KCNH7: variants seen among roughly 807,000 people sequenced by gnomAD.
KCNH7 encodes voltage-gated inwardly rectifying potassium channel KCNH7.
Under a neutral mutation model 120.8 loss-of-function variants are expected in KCNH7, and 49 were observed. That is an observed-to-expected ratio of 0.41 (90% CI 0.32 to 0.51). KCNH7 has a LOEUF of 0.51. Ranked by LOEUF, KCNH7 falls within the 20% of genes least tolerant of loss-of-function variation. KCNH7 has a pLI of 0.38. For synonymous variants in KCNH7, 547 were observed against 516.1 expected (o/e 1.06, Z -0.81); for missense variants, 1,097 against 1,446.6 (o/e 0.76, Z 3.92).
chr2:162,508,844 A>G (rs1358270715), intron 5 of KCNH7, among the ~76,000 whole-genome samples: 1 of 151,530 alleles, frequency 6.6e-6, no homozygotes, highest in Non-Finnish European at 1.5e-5. Flanking sequence ...AGAAAGGAGA[A>G]TAACCTGAAA....
chr2:162,752,489 T>C (rs1012657505), intron 2 of KCNH7, among the ~76,000 whole-genome samples: 4 of 152,190 alleles, frequency 2.6e-5, no homozygotes, highest in African/African-American at 9.7e-5. Flanking sequence ...AATTATTTAA[T>C]TAAGTCAATT....
At chr2:162,589,838 A>G (rs765082695) in intron 2 of KCNH7, among the ~76,000 whole-genome samples, 5 of 152,136 alleles carry the variant, frequency 3.3e-5, no homozygotes, top group African/African-American at 7.2e-5. Flanking sequence ...TGAAAGTACT[A>G]TGTCTGCTAC....
At position 162,495,856 on chromosome 2, in the gene KCNH7, G is replaced by C. The variant is rs553117577; in HGVS notation, c.1128+8587C>G. 9.0e-4 allele frequency among the ~76,000 whole-genome samples: 137 copies of C among 152,092 alleles called. 1 individual carries two copies. Among genetic ancestry groups the C allele is most frequent in the African/African-American group, 3.1e-3 (127 of 41,518 alleles). On this transcript the variant is annotated intron_variant, in intron 6 of 15. Transcript: ENST00000332142. ...GCAAATCCTGGAGGTTTTTTTGTTT[G>C]GGAAAATAAGACCAAGGGAGTCAAC...
At chr2:162,615,050 T>TG (rs1559045324) in intron 2 of KCNH7, among the ~76,000 whole-genome samples, 1 of 152,206 alleles carries the variant, frequency 6.6e-6, no homozygotes, top group Non-Finnish European at 1.5e-5. Flanking sequence ...CTAACATACT[T>TG]GAAGAATTTG....
chr2:162,587,302 T>C (rs1324345820), intron 2 of KCNH7, among the ~76,000 whole-genome samples: 1 of 152,110 alleles, frequency 6.6e-6, no homozygotes, highest in East Asian at 1.9e-4. Flanking sequence ...ATGGGAATAT[T>C]GGACGCAAAC....
At chr2:162,573,322 A>C (rs1471629832) in intron 2 of KCNH7, among the ~76,000 whole-genome samples, 1 of 152,102 alleles carries the variant, frequency 6.6e-6, no homozygotes, top group Non-Finnish European at 1.5e-5. Context: ...TTAATATGAC[A>C]GTGTCTAACC....
At chr2:162,509,022 AG>A (rs1252936393) in intron 5 of KCNH7, among the ~76,000 whole-genome samples, 1 of 151,390 alleles carries the variant, frequency 6.6e-6, no homozygotes, top group Non-Finnish European at 1.5e-5. Context: ...TATTAGGAGA[AG>A]GTGGAAAACA....
At chr2:162,413,794 T>A (rs948557807) in intron 9 of KCNH7, among the ~76,000 whole-genome samples, 1 of 151,762 alleles carries the variant, frequency 6.6e-6, no homozygotes, top group South Asian at 2.1e-4. Context: ...AAAACAGCAA[T>A]GTTAAGGACT....
At chr2:162,722,138 A>G (rs554193831) in intron 2 of KCNH7, among the ~76,000 whole-genome samples, 20 of 152,210 alleles carry the variant, frequency 1.3e-4, no homozygotes, top group African/African-American at 4.8e-4. Flanking sequence ...ACATATAGAC[A>G]CTTTTTACTA....
At chr2:162,745,195 T>C (rs1688274043) in intron 2 of KCNH7, among the ~76,000 whole-genome samples, 1 of 152,196 alleles carries the variant, frequency 6.6e-6, no homozygotes, top group South Asian at 2.1e-4. Flanking sequence ...AGAGAGAGCA[T>C]ACAGAGGGGT....
Position 162,446,145 on chromosome 2 carries a change from T to A in KCNH7, c.1427A>T (p.Asn476Ile), listed in dbSNP as rs1349149500. 6.2e-7 allele frequency: 1 copy of A among 1,613,658 alleles called. No homozygotes were observed. The highest frequency in any genetic ancestry group is 8.5e-7 in the Non-Finnish European group (1 of 1,179,768). Reference sequence around the variant, plus strand: ...ATCACTTACCACTTCTTCATTCTGATTTACATATGTTGTTCTGAAGTTTAT... The same window carrying A: ...ATCACTTACCACTTCTTCATTCTGAATTACATATGTTGTTCTGAAGTTTAT... ...ILINFRTTYV[N>I]QNEEVVSDPA... The change falls in exon 7 of 16, where the codon AAT becomes ATT. Residue 476 changes from asparagine to isoleucine, a missense_variant. Coordinates refer to ENST00000332142, the MANE Select transcript of KCNH7 (RefSeq NM_033272.4).
chr2:162,504,525 G>T lies in KCNH7; in HGVS notation c.1046C>A (p.Ser349Ter), dbSNP rs1690799668. 1 of 1,612,750 alleles carries T rather than the reference G, an allele frequency of 6.2e-7. No homozygotes were observed. The highest frequency in any genetic ancestry group is 1.7e-5 in the Admixed American group (1 of 59,906). ...GGTTTTATCTGAAGAAGGAGGTGATGAATTCTTTTTCTCAGTTTTGACCTC... is the reference window on the plus strand; with the variant it reads ...GGTTTTATCTGAAGAAGGAGGTGATTAATTCTTTTTCTCAGTTTTGACCTC... ...FSEVKTEKKN[S>*]SPPSSDKTII... is the part of the protein sequence containing the mutation. The change falls in exon 6 of 16, where the codon TCA (serine) becomes TAA (stop). Residue 349 changes from serine (S) to a stop codon, truncating the protein, a stop_gained. Transcript: ENST00000332142. LOFTEE classifies it high-confidence loss of function.
rs144950746 is a variant in KCNH7 at position 162,492,121 on chromosome 2, A to G, written c.1128+12322T>C. Among the ~76,000 whole-genome samples, 7 of 152,330 alleles carry G rather than the reference A, an allele frequency of 4.6e-5. No homozygotes were observed. In the East Asian group the frequency reaches 1.4e-3, roughly 29 times the overall value. ...TGGCCTCCCTCTCCCTGTGCAAACC[A>G]GTTGAATGAATGATAAAATTACTGC... On this transcript the variant is annotated intron_variant, in intron 6 of 15. Coordinates refer to ENST00000332142, the MANE Select transcript of KCNH7 (RefSeq NM_033272.4).
chr2:162,488,880 T>A (rs1190825493), intron 6 of KCNH7, among the ~76,000 whole-genome samples: 2 of 152,208 alleles, frequency 1.3e-5, no homozygotes, highest in East Asian at 3.8e-4. Context: ...CAGGTGCTTT[T>A]TAACAGAATT....
chr2:162,443,256 CAT>C (rs1166056790), intron 7 of KCNH7, among the ~76,000 whole-genome samples: 4 of 152,124 alleles, frequency 2.6e-5, no homozygotes, highest in Non-Finnish European at 5.9e-5. Flanking sequence ...CTTATACTGA[CAT>C]ATTATTTTTC....
At chr2:162,384,025 T>G (rs1271109357) in intron 13 of KCNH7, among the ~76,000 whole-genome samples, 1 of 151,872 alleles carries the variant, frequency 6.6e-6, no homozygotes, top group Non-Finnish European at 1.5e-5. Context: ...TATGCTAAAA[T>G]AGTTGTTCTT....
chr2:162,808,376 A>C (rs1291872372), intron 2 of KCNH7, among the ~76,000 whole-genome samples: 1 of 152,112 alleles, frequency 6.6e-6, no homozygotes, highest in Non-Finnish European at 1.5e-5. Context: ...TTACCCCACA[A>C]AATTTTTAGT....
intron 2 of KCNH7, among the ~76,000 whole-genome samples, chr2:162,596,392 T>C (rs1481224096): frequency 6.6e-6 from 1 of 151,958 alleles, no homozygotes; most frequent in Non-Finnish European, 1.5e-5. Context: ...AGCCCAGAAA[T>C]AAACTTATGT....
chr2:162,504,487 T>C lies in KCNH7; in HGVS notation c.1084A>G (p.Lys362Glu). ...PSSDKTIIAPKVKDRTHNVTE... is the reference protein window; with the variant it reads ...PSSDKTIIAPEVKDRTHNVTE... ...ACATTGTGTGTTCGATCTTTAACCTTGGGTGCAATAATGGTTTTATCTGAA... is the reference window on the plus strand; with the variant it reads ...ACATTGTGTGTTCGATCTTTAACCTCGGGTGCAATAATGGTTTTATCTGAA... Residue 362 changes from lysine to glutamate, a missense_variant, in exon 6 of 16, where the codon AAG becomes GAG. By Grantham distance (56) the Lys-to-Glu change is moderately conservative. Around this residue, in one of 8 missense-constraint regions of KCNH7, gnomAD observed 362 missense variants for 372.2 expected, o/e 0.97. Transcript: ENST00000332142. 6.2e-7 allele frequency: 1 copy of C among 1,613,128 alleles called. No homozygotes were observed. Among genetic ancestry groups the C allele is most frequent in the East Asian group, 2.2e-5 (1 of 44,806 alleles).
Sources: allele counts gnomAD v4.1 joint callset (sites outside exome capture counted in the v4.1 genomes callset), GRCh38; gene constraint gnomAD v4.1.1; regional missense constraint gnomAD v4.1.1; transcripts MANE v1.5; gene names NCBI Gene and HGNC (gene_info 2026-07-23, HGNC 2026-07-21).